Variants in ZNF710 observed in about 807,000 individuals in gnomAD.
ZNF710 encodes zinc finger protein 710.
A neutral mutation model predicts 50.6 loss-of-function variants in ZNF710; 13 were observed. The observed-to-expected ratio is 0.26, with a 90% CI of 0.17 to 0.41. The LOEUF is 0.41. Ranked by LOEUF, ZNF710 falls within the 10% of genes least tolerant of loss-of-function variation. The pLI, the probability that ZNF710 is intolerant of heterozygous loss-of-function variation, is 1.00. For missense variants in ZNF710, 721 were observed against 936.6 expected, an observed-to-expected ratio of 0.77 and a Z score of 3.01; for synonymous variants, 383 against 397.0, an observed-to-expected ratio of 0.96 and a Z score of 0.42.
chr15:90,021,019 C>CCT (rs1555456034), intron 1 of ZNF710, among the ~76,000 whole-genome samples: 1 of 40,320 alleles, frequency 2.5e-5, no homozygotes, highest in African/African-American at 8.2e-5. Context: ...ACCCCCCCCC[C>CCT]CTTAGCAGCC....
chr15:90,003,863 G>A (rs1423728208), intron 1 of ZNF710, among the ~76,000 whole-genome samples: 1 of 152,152 alleles, frequency 6.6e-6, no homozygotes, highest in Admixed American at 6.6e-5. Flanking sequence ...TGACCTTCTG[G>A]AGCTGGCTTT....
intron 1 of ZNF710, among the ~76,000 whole-genome samples, chr15:90,008,441 C>CATATATATATATACATAT (rs1011267136): frequency 7.9e-6 from 1 of 126,480 alleles, no homozygotes; most frequent in African/African-American, 3.8e-5. Context: ...TATATATATA[C>CATATATATATATACATAT]ATATATATAT....
At chr15:90,007,033 G>C (rs1037610249) in intron 1 of ZNF710, among the ~76,000 whole-genome samples, 4 of 152,252 alleles carry the variant, frequency 2.6e-5, no homozygotes, top group Admixed American at 6.5e-5. Flanking sequence ...AGACCCTGCA[G>C]ACTCTAGTCC....
intron 1 of ZNF710, among the ~76,000 whole-genome samples, chr15:90,019,974 C>T (rs1019118193): frequency 8.5e-5 from 13 of 152,110 alleles, no homozygotes; most frequent in African/African-American, 1.2e-4. Flanking sequence ...GTGGGGGAGC[C>T]GAGGATTTCC....
At position 90,064,257 on chromosome 15, in the gene ZNF710, A is replaced by G. The variant is rs974154914; in HGVS notation, c.-28-2853A>G. Among the ~76,000 whole-genome samples, 20 of 152,332 alleles carry G rather than the reference A, an allele frequency of 1.3e-4. 1 individual carries two copies. The highest frequency in any genetic ancestry group is 4.8e-4 in the African/African-American group (20 of 41,592). Reference sequence around the variant, plus strand: ...CTGGGGGTGGCTGTGGTGGGCCCCAAGGGGCAGGACCCCTGCCTCATTCAC... The same window carrying G: ...CTGGGGGTGGCTGTGGTGGGCCCCAGGGGGCAGGACCCCTGCCTCATTCAC... On this transcript the variant is annotated intron_variant, in intron 1 of 4. Transcript: ENST00000268154.
intron 1 of ZNF710, among the ~76,000 whole-genome samples, chr15:90,021,645 A>G (rs1303061962): frequency 2.0e-5 from 3 of 152,166 alleles, no homozygotes; most frequent in African/African-American, 7.2e-5. Context: ...CTCTCTCCCC[A>G]GTGAGCCCCC....
intron 1 of ZNF710, among the ~76,000 whole-genome samples, chr15:90,057,690 A>AAATAATAATAATAATAATAAT (rs71151550): frequency 0.013 from 1,745 of 139,484 alleles, 43 homozygotes; most frequent in African/African-American, 0.042. Flanking sequence ...GAGCAAGACT[A>AAATAATAATAATAATAATAAT]AATAATAATA....
chr15:90,073,324 C>T, intron 3 of ZNF710, 62 bp downstream of exon 3: 1 of 1,552,198 alleles, frequency 6.4e-7, no homozygotes, highest in Non-Finnish European at 8.8e-7. Context: ...ATCAGCATGC[C>T]TGCAGCAGCT....
rs1034435778 is a variant in ZNF710, at chr15:90,034,212, GAA to G, written c.-29+32601_-29+32602del. 3.2e-4 allele frequency among the ~76,000 whole-genome samples: 47 copies of G among 148,284 alleles called. No individual in the cohort carries two copies. Among genetic ancestry groups the G allele is most frequent in the African/African-American group, 1.2e-3 (47 of 38,234 alleles). On this transcript the variant is annotated intron_variant, in intron 1 of 4. Coordinates refer to ENST00000268154, the MANE Select transcript of ZNF710 (RefSeq NM_198526.4). This position sits in a 1 kb window ranked among gnomAD's most constrained non-coding sequence, Gnocchi z 4.0. ...GACTCTGTCTCAAAAAAAAAGAAAA[GAA>G]AAGAAAAGAAAAGAAAACAGGTGAA... is the stretch of plus-strand genomic sequence containing the variant.
intron 1 of ZNF710, among the ~76,000 whole-genome samples, chr15:90,029,610 A>C (rs1011352322): frequency 1.3e-5 from 2 of 151,912 alleles, no homozygotes; most frequent in African/African-American, 4.8e-5. Flanking sequence ...CTACAAAAAA[A>C]TTTTTTGTTC....
chr15:90,067,942 G>T lies in ZNF710; in HGVS notation c.805G>T (p.Ala269Ser), dbSNP rs1414623272. 1 of 1,613,972 alleles carries T rather than the reference G, an allele frequency of 6.2e-7. No individual in the cohort carries two copies. The highest frequency in any genetic ancestry group is 8.5e-7 in the Non-Finnish European group (1 of 1,180,040). Residue 269 changes from alanine to serine, a missense_variant, in exon 2 of 5, where the codon GCC (alanine) becomes TCC (serine). By Grantham distance (99) the Ala-to-Ser change is moderately conservative (BLOSUM62 1). Around this residue, in one of 3 missense-constraint regions of ZNF710, gnomAD observed 326 missense variants for 522.0 expected, o/e 0.62. Transcript: ENST00000268154. The surrounding 1 kb of genome is among the most constrained non-coding windows in gnomAD (Gnocchi z 8.1). Reference protein sequence around the residue: ...AGSTVERHKKAQLDRLDINVQ... With the variant: ...AGSTVERHKKSQLDRLDINVQ... The stretch of plus-strand genomic sequence containing the variant: ...TTCGACCGTGGAACGCCACAAGAAG[G>T]CCCAGCTGGATCGGCTGGACATCAA...
At chr15:90,004,331 GTAAA>G (rs910359550) in intron 1 of ZNF710, among the ~76,000 whole-genome samples, 8 of 152,182 alleles carry the variant, frequency 5.3e-5, no homozygotes, top group African/African-American at 1.7e-4. Flanking sequence ...CTAGAAGGGA[GTAAA>G]TAAATAAATA....
Position 90,021,381 on chromosome 15 carries a change from T to G in ZNF710, c.-29+19767T>G, listed in dbSNP as rs564611381. On this transcript the variant is annotated intron_variant, in intron 1 of 4. Coordinates refer to ENST00000268154, the MANE Select transcript of ZNF710 (RefSeq NM_198526.4). ...CCCACAGCCTCCCCAAGCCTTGGTT[T>G]CACAGCCTGTAAAATGGGTTCATGA... Among the ~76,000 whole-genome samples the G allele has an allele frequency of 2.5e-4, 38 of 152,314 alleles. No homozygotes were observed. In the South Asian group the frequency reaches 7.0e-3, roughly 28 times the overall value.
At position 90,068,346 on chromosome 15, in the gene ZNF710, T is replaced by A. The variant is rs771035867; in HGVS notation, c.1209T>A (p.Ser403Arg). 3.7e-6 allele frequency: 6 copies of A among 1,612,400 alleles called. No homozygotes were observed. The South Asian group carries it at 6.6e-5, about 18-fold the overall frequency. The change falls in exon 2 of 5, where the codon AGT (serine) becomes AGA (arginine). Residue 403 changes from serine to arginine, a missense_variant. Around this residue, in one of 3 missense-constraint regions of ZNF710, gnomAD observed 326 missense variants for 522.0 expected, o/e 0.62. Transcript: ENST00000268154. This position sits in a 1 kb window ranked among gnomAD's most constrained non-coding sequence, Gnocchi z 5.0. ...AGGCCCACGAAGTGAAGCATGAGAG[T>A]GGCCGCTGCCATGTCTGCGTCGAGT... ...ELKAHEVKHE[S>R]GRCHVCVECG... is the part of the protein sequence containing the mutation.
At position 90,068,742 on chromosome 15, in the gene ZNF710, T is replaced by A; in HGVS notation, c.1458+147T>A. Reference sequence around the variant, plus strand: ...ATTTTGATGAGTATTAGAAATCAATTAGTATTAGAAACTAATTGAAATTAG... The same window carrying A: ...ATTTTGATGAGTATTAGAAATCAATAAGTATTAGAAACTAATTGAAATTAG... On this transcript the variant is annotated intron_variant, in intron 2 of 4. Transcript: ENST00000268154. The surrounding 1 kb of genome is among the most constrained non-coding windows in gnomAD (Gnocchi z 5.0). 1 of 952,542 alleles carries A rather than the reference T, an allele frequency of 1.0e-6. No individual in the cohort carries two copies. Among genetic ancestry groups the A allele is most frequent in the Non-Finnish European group, 1.5e-6 (1 of 656,926 alleles). 59.0% of individuals were successfully genotyped at this position (952,542 alleles called of 1,614,324 possible).
At chr15:90,021,898 A>C (rs577815348) in intron 1 of ZNF710, among the ~76,000 whole-genome samples, 1 of 152,116 alleles carries the variant, frequency 6.6e-6, no homozygotes, top group African/African-American at 2.4e-5. Context: ...CCAGGTGAAC[A>C]TAGCAAAACC....
chr15:90,031,018 C>CAAAT (rs1898927742), intron 1 of ZNF710, among the ~76,000 whole-genome samples: 1 of 89,792 alleles, frequency 1.1e-5, no homozygotes, highest in Non-Finnish European at 2.0e-5. Context: ...GACTCCGTCT[C>CAAAT]AAAAAAAAAG....
chr15:90,039,155 T>C (rs1367778339), intron 1 of ZNF710, among the ~76,000 whole-genome samples: 1 of 152,020 alleles, frequency 6.6e-6, no homozygotes, highest in Non-Finnish European at 1.5e-5. Context: ...GGCAGGCGCC[T>C]GTAACCCCAG....
At chr15:90,071,676 A>ATTTTTTTTTTTTTTTTTT (rs1900390621) in intron 2 of ZNF710, among the ~76,000 whole-genome samples, 1 of 133,732 alleles carries the variant, frequency 7.5e-6, no homozygotes, top group African/African-American at 2.8e-5. Flanking sequence ...ATTTATTTTT[A>ATTTTTTTTTTTTTTTTTT]CTCTTTTTTT....
Sources: allele counts gnomAD v4.1 joint callset (sites outside exome capture counted in the v4.1 genomes callset), GRCh38; gene constraint gnomAD v4.1.1; regional missense constraint gnomAD v4.1.1; non-coding constraint Gnocchi (gnomAD v3.1); transcripts MANE v1.5; gene names NCBI Gene and HGNC (gene_info 2026-07-23, HGNC 2026-07-21).